The following ROBO2 variants were observed in gnomAD, a reference collection of about 807,000 sequenced individuals.
The protein encoded by ROBO2 is roundabout guidance receptor 2.
A neutral mutation model predicts 160.8 loss-of-function variants in ROBO2; 53 were observed. The ratio of observed to expected loss-of-function variants is 0.33; its 90% CI spans 0.26 to 0.41. The LOEUF is 0.41. ROBO2 is among the 10% of genes least tolerant of loss of function. The probability of loss-of-function intolerance (pLI) is 1.00; values close to 1 mark genes in which losing one functional copy is unlikely to be tolerated. For synonymous variants in ROBO2, 664 were observed against 611.7 expected (o/e 1.09, Z -1.26); for missense variants, 1,577 against 1,722.4 (o/e 0.92, Z 1.49).
At chr3:77,597,604 G>T (rs2094336739) in intron 19 of ROBO2, among the ~76,000 whole-genome samples, 1 of 152,102 alleles carries the variant, frequency 6.6e-6, no homozygotes, top group African/African-American at 2.4e-5. Context: ...AAACTGCCTT[G>T]CCAGAACCCC....
At chr3:76,793,665 T>C (rs1176404283) in intron 2 of ROBO2, among the ~76,000 whole-genome samples, 1 of 151,864 alleles carries the variant, frequency 6.6e-6, no homozygotes, top group Non-Finnish European at 1.5e-5. Context: ...TTGTTACATA[T>C]GTATACATGT....
intron 1 of ROBO2, among the ~76,000 whole-genome samples, chr3:77,069,784 G>C (rs947560297): frequency 1.3e-5 from 2 of 152,114 alleles, no homozygotes; most frequent in African/African-American, 4.8e-5. Flanking sequence ...GAGGGGGAGA[G>C]ACAATATGCA....
At chr3:77,586,711 A>G (rs2094059233) in intron 16 of ROBO2, among the ~76,000 whole-genome samples, 1 of 151,786 alleles carries the variant, frequency 6.6e-6, no homozygotes, top group Non-Finnish European at 1.5e-5. Flanking sequence ...CTCTTTGTTC[A>G]AGAAGTTATT....
At chr3:76,906,637 G>A (rs751595031) in intron 2 of ROBO2, among the ~76,000 whole-genome samples, 2 of 151,902 alleles carry the variant, frequency 1.3e-5, no homozygotes, top group Non-Finnish European at 2.9e-5. Context: ...ATGAAACTAC[G>A]GCACAGAGAA....
intron 17 of ROBO2, among the ~76,000 whole-genome samples, chr3:77,594,938 G>A (rs999802154): frequency 1.3e-5 from 2 of 152,130 alleles, no homozygotes; most frequent in African/African-American, 4.8e-5. Context: ...ATTTGAAAAT[G>A]TCCTATTAAA....
At chr3:76,566,615 T>C (rs974776806) in intron 2 of ROBO2, among the ~76,000 whole-genome samples, 8 of 152,106 alleles carry the variant, frequency 5.3e-5, no homozygotes, top group African/African-American at 1.7e-4. Flanking sequence ...TGCACCACAG[T>C]AAAATAATAC....
intron 2 of ROBO2, among the ~76,000 whole-genome samples, chr3:76,379,198 G>C (rs1201334720): frequency 6.6e-6 from 1 of 152,028 alleles, no homozygotes; most frequent in Non-Finnish European, 1.5e-5. Context: ...AAGAAAAGAA[G>C]TAATCGATAT....
intron 2 of ROBO2, among the ~76,000 whole-genome samples, chr3:76,882,759 C>T (rs893287567): frequency 6.6e-6 from 1 of 152,006 alleles, no homozygotes; most frequent in Non-Finnish European, 1.5e-5. Flanking sequence ...ATTTTTCTGC[C>T]CATCCATGAA....
chr3:76,869,340 A>ATCTTTTTTTTTTTTT (rs1178461363), intron 2 of ROBO2, among the ~76,000 whole-genome samples: 1 of 108,140 alleles, frequency 9.2e-6, no homozygotes, highest in Non-Finnish European at 1.9e-5. Context: ...GTAGAAATTG[A>ATCTTTTTTTTTTTTT]TGTTTTTTTT....
chr3:76,373,971 C>T (rs1470520812), intron 2 of ROBO2, among the ~76,000 whole-genome samples: 1 of 151,940 alleles, frequency 6.6e-6, no homozygotes, highest in Non-Finnish European at 1.5e-5. Flanking sequence ...CCATGTCTCT[C>T]ATCATCCAAC....
intron 2 of ROBO2, among the ~76,000 whole-genome samples, chr3:77,198,818 G>A (rs985291679): frequency 9.2e-5 from 14 of 151,908 alleles, no homozygotes; most frequent in African/African-American, 2.7e-4. Flanking sequence ...CAGGAGAATC[G>A]CTTGAACCCG....
At chr3:75,921,699 A>C (rs1457658684) in intron 1 of ROBO2, among the ~76,000 whole-genome samples, 1 of 152,160 alleles carries the variant, frequency 6.6e-6, no homozygotes, top group Non-Finnish European at 1.5e-5. Flanking sequence ...ATGATGGAGA[A>C]AGATTTGTCA....
At chr3:76,667,689 T>G (rs539765304) in intron 2 of ROBO2, among the ~76,000 whole-genome samples, 41,587 of 151,828 alleles carry the variant, frequency 0.27, 6,241 homozygotes, top group East Asian at 0.51. Context: ...TAGGGCTATT[T>G]TTAGCAGTGA....
chr3:76,397,235 A>T (rs2077511456), intron 2 of ROBO2, among the ~76,000 whole-genome samples: 1 of 152,180 alleles, frequency 6.6e-6, no homozygotes, highest in Non-Finnish European at 1.5e-5. Flanking sequence ...AGGATTCCCT[A>T]TTTAATAAAT....
intron 2 of ROBO2, among the ~76,000 whole-genome samples, chr3:76,038,943 A>C (rs1023307904): frequency 2.6e-5 from 4 of 152,008 alleles, no homozygotes; most frequent in Non-Finnish European, 5.9e-5. Context: ...CAAGTCATGC[A>C]AGCAGCAATG....
chr3:77,496,355 G>A (rs968604087), intron 5 of ROBO2, among the ~76,000 whole-genome samples: 4 of 152,124 alleles, frequency 2.6e-5, no homozygotes, highest in African/African-American at 9.7e-5. Flanking sequence ...CAGTCTTTAA[G>A]TGATGTTTCA....
chr3:77,464,901 G>A (rs2082614361), intron 2 of ROBO2, among the ~76,000 whole-genome samples: 1 of 152,112 alleles, frequency 6.6e-6, no homozygotes, highest in Non-Finnish European at 1.5e-5. Context: ...TAAATATGGG[G>A]AAAATATGTC....
intron 2 of ROBO2, among the ~76,000 whole-genome samples, chr3:76,317,775 A>G (rs2072164056): frequency 6.6e-6 from 1 of 152,094 alleles, no homozygotes; most frequent in Non-Finnish European, 1.5e-5. Context: ...TAGCAACTAT[A>G]CTAAGATCTG....
At chr3:76,552,228 C>T (rs1249296682) in intron 2 of ROBO2, among the ~76,000 whole-genome samples, 1 of 152,132 alleles carries the variant, frequency 6.6e-6, no homozygotes, top group African/African-American at 2.4e-5. Flanking sequence ...AAATACTATA[C>T]CATTTTATAT....
Sources: allele counts gnomAD v4.1 joint callset (sites outside exome capture counted in the v4.1 genomes callset), GRCh38; gene constraint gnomAD v4.1.1; transcripts MANE v1.5; gene names NCBI Gene and HGNC (gene_info 2026-07-23, HGNC 2026-07-21).